The following NRXN1 variants were observed in gnomAD, a reference collection of about 807,000 sequenced individuals.
NRXN1 encodes neurexin 1.
NRXN1 carries 39 observed loss-of-function variants against 150.9 expected under a neutral mutation model. The observed-to-expected ratio is 0.26, with a 90% CI of 0.20 to 0.34. The LOEUF (loss-of-function observed/expected upper bound fraction) is 0.34, where lower values mean the gene tolerates loss of function less well. Among genes scored for constraint, NRXN1 ranks in the 10% least tolerant of loss-of-function variants. NRXN1 has a pLI of 1.00. For missense variants in NRXN1, 1,815 were observed against 1,949.9 expected (o/e 0.93, Z 1.30); for synonymous variants, 924 against 757.0 (o/e 1.22, Z -3.62).
At chr2:50,055,543 A>G (rs1409711478) in intron 19 of NRXN1, among the ~76,000 whole-genome samples, 1 of 152,202 alleles carries the variant, frequency 6.6e-6, no homozygotes, top group East Asian at 1.9e-4. Flanking sequence ...TTTATTTCCT[A>G]GTCAGAAAAC....
In NRXN1 at chr2:50,052,987, C is replaced by T. The variant is rs558304757; in HGVS notation, c.4128+284G>A. 4.6e-5 allele frequency among the ~76,000 whole-genome samples: 7 copies of T among 152,188 alleles called. No homozygotes were observed. The South Asian group carries it at 1.0e-3, about 23-fold the overall frequency. ...GTGAAAATCCTATGTAATTAGCAGACGATCTACTCAGCTTGGGCCAGAGGA... is the reference window on the plus strand; with the variant it reads ...GTGAAAATCCTATGTAATTAGCAGATGATCTACTCAGCTTGGGCCAGAGGA... On this transcript the variant is annotated intron_variant, in intron 21 of 22. Transcript: ENST00000401669.
chr2:49,934,848 T>G (rs1369485751), intron 22 of NRXN1, among the ~76,000 whole-genome samples: 2 of 152,132 alleles, frequency 1.3e-5, no homozygotes, highest in Admixed American at 1.3e-4. Context: ...AAAAATAAAG[T>G]AAGAAGAGCA....
chr2:50,201,258 AC>A (rs751614854), intron 18 of NRXN1, among the ~76,000 whole-genome samples: 1 of 152,168 alleles, frequency 6.6e-6, no homozygotes, highest in Admixed American at 6.5e-5. Flanking sequence ...GTGATTTTCA[AC>A]CTTGGTTGAA....
chr2:50,436,009 A>G (rs2085390040), intron 17 of NRXN1, among the ~76,000 whole-genome samples: 1 of 152,146 alleles, frequency 6.6e-6, no homozygotes, highest in Non-Finnish European at 1.5e-5. Flanking sequence ...TTTTACATAT[A>G]ACTAACATAA....
At chr2:50,123,459 A>C (rs1387457881) in intron 18 of NRXN1, among the ~76,000 whole-genome samples, 1 of 152,108 alleles carries the variant, frequency 6.6e-6, no homozygotes, top group Non-Finnish European at 1.5e-5. Flanking sequence ...TAAGGGTTAA[A>C]GTGTGTGAGG....
intron 17 of NRXN1, among the ~76,000 whole-genome samples, chr2:50,369,334 A>G (rs1371539594): frequency 2.6e-5 from 4 of 151,942 alleles, no homozygotes; most frequent in Non-Finnish European, 5.9e-5. Context: ...CACACTTAAC[A>G]CTGTATCTAC....
chr2:50,496,836 A>T (rs186758014), intron 14 of NRXN1, among the ~76,000 whole-genome samples: 2 of 152,338 alleles, frequency 1.3e-5, no homozygotes, highest in East Asian at 1.9e-4. Flanking sequence ...ATTAAAATAC[A>T]TTAAATTTTC....
intron 22 of NRXN1, among the ~76,000 whole-genome samples, chr2:49,929,404 G>T (rs1303182283): frequency 1.3e-5 from 2 of 152,124 alleles, no homozygotes; most frequent in African/African-American, 4.8e-5. Context: ...TATGTCCACA[G>T]CTTAGTCATC....
chr2:50,492,779 A>T (rs2091331747), intron 15 of NRXN1, among the ~76,000 whole-genome samples: 1 of 152,200 alleles, frequency 6.6e-6, no homozygotes, highest in African/African-American at 2.4e-5. Context: ...CAAACAAAAA[A>T]ACAGTAACAT....
intron 17 of NRXN1, among the ~76,000 whole-genome samples, chr2:50,458,075 A>C (rs114778744): frequency 3.9e-5 from 6 of 152,188 alleles, no homozygotes; most frequent in Non-Finnish European, 8.8e-5. Flanking sequence ...AAGATAAGAA[A>C]TCAACCTAAG....
chr2:50,595,282 G>T (rs1055301663), intron 8 of NRXN1, among the ~76,000 whole-genome samples: 16 of 152,128 alleles, frequency 1.1e-4, no homozygotes, highest in African/African-American at 3.1e-4. Context: ...AAGAAAGAAA[G>T]AATTTGTTCT....
intron 5 of NRXN1, among the ~76,000 whole-genome samples, chr2:50,643,655 G>T (rs1416440033): frequency 1.3e-5 from 2 of 151,590 alleles, no homozygotes; most frequent in Non-Finnish European, 1.5e-5. Flanking sequence ...GTTAAGTATT[G>T]TATCCTTTAT....
chr2:50,801,328 A>G (rs977245814), intron 5 of NRXN1, among the ~76,000 whole-genome samples: 90 of 152,324 alleles, frequency 5.9e-4, no homozygotes, highest in African/African-American at 2.1e-3. Flanking sequence ...TGGGTTTTAT[A>G]AAACCATAAT....
chr2:50,596,650 A>T (rs960748399), intron 8 of NRXN1, among the ~76,000 whole-genome samples: 1 of 152,146 alleles, frequency 6.6e-6, no homozygotes, highest in Non-Finnish European at 1.5e-5. Context: ...GCCAGGTCAA[A>T]ACTACGAAAA....
At chr2:50,741,103 A>G (rs1161031536) in intron 5 of NRXN1, among the ~76,000 whole-genome samples, 1 of 152,166 alleles carries the variant, frequency 6.6e-6, no homozygotes, top group Non-Finnish European at 1.5e-5. Flanking sequence ...GCTGACACAT[A>G]AAATCAATAT....
At chr2:50,139,453 C>A (rs1331924856) in intron 18 of NRXN1, among the ~76,000 whole-genome samples, 1 of 151,592 alleles carries the variant, frequency 6.6e-6, no homozygotes, top group African/African-American at 2.4e-5. Flanking sequence ...CTTGCAAGGA[C>A]ATTAAGTAGA....
intron 5 of NRXN1, among the ~76,000 whole-genome samples, chr2:50,837,551 T>C (rs531084721): frequency 2.6e-5 from 4 of 152,160 alleles, no homozygotes; most frequent in South Asian, 2.1e-4. Context: ...AACATTTTAC[T>C]GGCTATTTGT....
At chr2:50,431,072 A>C (rs926088418) in intron 17 of NRXN1, among the ~76,000 whole-genome samples, 1 of 152,194 alleles carries the variant, frequency 6.6e-6, no homozygotes, top group Non-Finnish European at 1.5e-5. Context: ...CATGCTTTTT[A>C]AAATCTCATC....
rs150204815 is a variant in NRXN1 at position 50,977,543 on chromosome 2, A to G, written c.772+49959T>C. On this transcript the variant is annotated intron_variant, in intron 2 of 22. Transcript: ENST00000401669. ...CTCATTCAGGAAACACTACAAGTTT[A>G]AATGAAGTAACAGAAAGTTACTGCA... 5.2e-3 allele frequency among the ~76,000 whole-genome samples: 788 copies of G among 152,088 alleles called. 7 individuals carry two copies. The highest frequency in any genetic ancestry group is 0.018 in the African/African-American group (751 of 41,554).
Sources: gnomAD v4.1 joint callset for allele counts (sites outside exome capture counted in the v4.1 genomes callset) on GRCh38, gnomAD v4.1.1 for gene constraint, MANE v1.5 for transcripts, NCBI Gene and HGNC (gene_info 2026-07-23, HGNC 2026-07-21) for gene names.